The following RUVBL1 variants were observed in gnomAD, a reference collection of about 807,000 sequenced individuals.
RUVBL1 encodes the protein RuvB like AAA ATPase 1, also known as ruvB-like 1.
Under a neutral mutation model 52.4 loss-of-function variants are expected in RUVBL1, and 4 were observed. The ratio of observed to expected loss-of-function variants is 0.08; its 90% CI spans 0.04 to 0.17. The LOEUF (loss-of-function observed/expected upper bound fraction) is 0.17, where lower values mean the gene tolerates loss of function less well. Among genes scored for constraint, RUVBL1 ranks in the 10% least tolerant of loss-of-function variants. The pLI is 1.00. For missense variants in RUVBL1, 298 were observed against 572.8 expected, an observed-to-expected ratio of 0.52 and a Z score of 4.90; for synonymous variants, 217 against 214.4, an observed-to-expected ratio of 1.01 and a Z score of -0.10.
At chr3:128,135,797 C>T (rs1943939528) in intron 1 of RUVBL1, among the ~76,000 whole-genome samples, 2 of 152,116 alleles carry the variant, frequency 1.3e-5, no homozygotes, top group Non-Finnish European at 2.9e-5. Context: ...ACACAGACAA[C>T]CACAGAGTAG....
At chr3:128,131,628 T>C (rs1943878072) in intron 1 of RUVBL1, among the ~76,000 whole-genome samples, 1 of 152,190 alleles carries the variant, frequency 6.6e-6, no homozygotes, top group Admixed American at 6.5e-5. Context: ...TAAAGGATTA[T>C]CACCATGACC....
At chr3:128,120,898 G>A (rs6778571) in intron 1 of RUVBL1, among the ~76,000 whole-genome samples, 5,999 of 151,658 alleles carry the variant, frequency 0.04, 233 homozygotes, top group African/African-American at 0.095. Context: ...GAAGAATGGC[G>A]TGAACCCAGG....
intron 1 of RUVBL1, among the ~76,000 whole-genome samples, chr3:128,147,335 G>A (rs1473444645): frequency 6.6e-6 from 1 of 152,106 alleles, no homozygotes; most frequent in African/African-American, 2.4e-5. Context: ...CTCCCAAAAT[G>A]CTGGGATTAC....
rs150629143 is a variant in RUVBL1 at position 128,094,989 on chromosome 3, G to A, written c.1016+2311C>T. 2.1e-3 allele frequency among the ~76,000 whole-genome samples: 320 copies of A among 152,318 alleles called. 2 individuals are homozygous for A. The highest frequency in any genetic ancestry group is 6.7e-3 in the African/African-American group (280 of 41,574). On this transcript the variant is annotated intron_variant, in intron 8 of 10. Transcript: ENST00000322623. ...CAACCGAATCTGCGTTACCTGAGCC[G>A]ACCTGCCTAAAAATCCATGTTCTGA... is the stretch of plus-strand genomic sequence containing the variant.
Position 128,082,334 on chromosome 3 carries a change from C to G in RUVBL1, c.1211+149G>C. On this transcript the variant is annotated intron_variant, in intron 10 of 10. Coordinates refer to ENST00000322623, the MANE Select transcript of RUVBL1 (RefSeq NM_003707.3). This position sits in a 1 kb window ranked among gnomAD's most constrained non-coding sequence, Gnocchi z 4.7. ...AGATAGATCCTCTGCATTTGAAACT[C>G]AAGTGCCCTGGCACCCATCGCGCCA... The G allele has an allele frequency of 1.6e-6, 1 of 620,134 alleles. No individual in the cohort carries two copies. The allele number at this position is 620,134 out of a possible 1,614,324, so 38.4% of individuals were successfully genotyped here.
At position 128,093,962 on chromosome 3, in the gene RUVBL1, G is replaced by A. The variant is rs560037407; in HGVS notation, c.1016+3338C>T. 2.6e-5 allele frequency among the ~76,000 whole-genome samples: 4 copies of A among 152,296 alleles called. No homozygotes were observed. In the East Asian group the frequency reaches 5.8e-4, roughly 22 times the overall value. ...AGGAGGGGCTATGAAGAGGCTTCAT[G>A]CCTTGCTGGGTTCTCAGAGATCCCT... On this transcript the variant is annotated intron_variant, in intron 8 of 10. Transcript: ENST00000322623.
At chr3:128,111,097 T>C (rs933532454) in intron 3 of RUVBL1, among the ~76,000 whole-genome samples, 3 of 151,714 alleles carry the variant, frequency 2.0e-5, no homozygotes, top group African/African-American at 4.8e-5. Context: ...TGGTGATGCA[T>C]GCCTGTAATT....
At chr3:128,077,408 C>A (rs931925747), downstream of RUVBL1, among the ~76,000 whole-genome samples, 3 of 152,194 alleles carry the variant, frequency 2.0e-5, no homozygotes, top group Admixed American at 6.5e-5. Context: ...CTGGAGGAAG[C>A]AAGAAAGAGG....
intron 8 of RUVBL1, among the ~76,000 whole-genome samples, chr3:128,095,968 TTAGA>T (rs1436208431): frequency 3.3e-5 from 5 of 152,148 alleles, no homozygotes; most frequent in Non-Finnish European, 1.5e-5. Context: ...AACTAAAATC[TTAGA>T]TAGGGCCCAC....
Position 128,081,140 on chromosome 3 carries a change from A to T in RUVBL1, c.*110T>A. ...CCACACTGAACTGACAGCGCTGCAG[A>T]CCACGCCTGAGTGGGGACGGCAGCC... On this transcript the variant is annotated 3_prime_UTR_variant, in exon 11 of 11. Coordinates refer to ENST00000322623, the MANE Select transcript of RUVBL1 (RefSeq NM_003707.3). The surrounding 1 kb of genome is among the most constrained non-coding windows in gnomAD (Gnocchi z 4.8). The T allele has an allele frequency of 1.8e-6, 2 of 1,087,244 alleles. No individual in the cohort carries two copies. Among genetic ancestry groups the T allele is most frequent in the Non-Finnish European group, 2.7e-6 (2 of 744,764 alleles). The allele number at this position is 1,087,244 out of a possible 1,614,324, so 67.3% of individuals were successfully genotyped here. A position where few individuals can be genotyped will look rare whatever the true frequency, so the allele number is the denominator to read the frequency against.
Position 128,082,966 on chromosome 3 carries a change from AGC to A in RUVBL1, c.1120-394_1120-393del. 2 of 166,734 alleles carry A rather than the reference AGC, an allele frequency of 1.2e-5. No individual in the cohort carries two copies. Among genetic ancestry groups the A allele is most frequent in the South Asian group, 3.0e-4 (2 of 6,628 alleles). 10.3% of individuals were successfully genotyped at this position (166,734 alleles called of 1,614,324 possible). On this transcript the variant is annotated intron_variant, in intron 9 of 10. Coordinates refer to ENST00000322623, the MANE Select transcript of RUVBL1 (RefSeq NM_003707.3). The surrounding 1 kb of genome is among the most constrained non-coding windows in gnomAD (Gnocchi z 4.7). Reference sequence around the variant, plus strand: ...TGCAAGGGCTCTAACCTTCCTCTCCAGCATGGGCACTACTGCCTACAAGCACT... The same window carrying A: ...TGCAAGGGCTCTAACCTTCCTCTCCAATGGGCACTACTGCCTACAAGCACT...
chr3:128,120,311 A>G (rs974523998), intron 1 of RUVBL1, among the ~76,000 whole-genome samples: 2 of 152,202 alleles, frequency 1.3e-5, no homozygotes, highest in Admixed American at 6.5e-5. Flanking sequence ...GTGAAGTTAA[A>G]CCTATGGCAC....
At chr3:128,065,136 A>AG (rs1491583044) in exon 10 of RUVBL1, 2 of 1,277,132 alleles carry the variant, frequency 1.6e-6, no homozygotes, top group Admixed American at 3.4e-5. Flanking sequence ...CACTGTCATC[A>AG]TATTGTGTTG....
chr3:128,091,417 C>T (rs1011663133), intron 8 of RUVBL1, among the ~76,000 whole-genome samples: 2 of 152,190 alleles, frequency 1.3e-5, no homozygotes, highest in African/African-American at 4.8e-5. Context: ...TTTATTCTTG[C>T]ATCTTAGAAG....
At chr3:128,099,084 A>T (rs1364425941) in intron 6 of RUVBL1, 139 bp from the exon 7 acceptor site, 1 of 680,172 alleles carries the variant, frequency 1.5e-6, no homozygotes, top group Non-Finnish European at 2.6e-6. Flanking sequence ...GAGCTTCTAA[A>T]CACAGAGGAA....
intron 1 of RUVBL1, among the ~76,000 whole-genome samples, chr3:128,149,229 G>A (rs1225536292): frequency 6.7e-6 from 1 of 148,464 alleles, no homozygotes; most frequent in Admixed American, 6.8e-5. Flanking sequence ...CTGTTGCCCA[G>A]GCTGGAGTGC....
At position 128,142,552 on chromosome 3, in the gene RUVBL1, T is replaced by C. The variant is rs114979862; in HGVS notation, c.-40+10651A>G. 7.0e-4 allele frequency among the ~76,000 whole-genome samples: 107 copies of C among 152,292 alleles called. 3 individuals are homozygous for C. The highest frequency in any genetic ancestry group is 2.5e-3 in the African/African-American group (104 of 41,570). On this transcript the variant is annotated intron_variant, in intron 1 of 9. Coordinates refer to the RUVBL1 transcript ENST00000464873. ...GGCTTAAAACAACACAAATCAATAA[T>C]CTTACAGTTTTGGAGGCCAGAAGTC...
At chr3:128,064,853 A>C (rs1219539849) in exon 10 of RUVBL1, 2 of 1,564,578 alleles carry the variant, frequency 1.3e-6, no homozygotes, top group Non-Finnish European at 1.7e-6. Flanking sequence ...GTTCCTTCAT[A>C]TATGTCTCCT....
intron 1 of RUVBL1, among the ~76,000 whole-genome samples, chr3:128,141,565 C>T (rs933334797): frequency 2.0e-5 from 3 of 152,140 alleles, no homozygotes; most frequent in African/African-American, 7.2e-5. Context: ...GGCACAATCT[C>T]GGCTCACGGC....
Sources: allele counts gnomAD v4.1 joint callset (sites outside exome capture counted in the v4.1 genomes callset), GRCh38; gene constraint gnomAD v4.1.1; non-coding constraint Gnocchi (gnomAD v3.1); transcripts MANE v1.5; gene names NCBI Gene and HGNC (gene_info 2026-07-23, HGNC 2026-07-21).